Variants in THAP4 observed in about 807,000 individuals in gnomAD.
The protein encoded by THAP4 is THAP domain containing 4, also known as peroxynitrite isomerase THAP4.
A neutral mutation model predicts 48.1 loss-of-function variants in THAP4; 18 were observed. That is an observed-to-expected ratio of 0.37 (90% confidence interval 0.26 to 0.56). THAP4 has a LOEUF of 0.56. THAP4 is among the 20% of genes least tolerant of loss of function. THAP4 has a pLI of 0.78. For synonymous variants in THAP4, 345 were observed against 324.9 expected (o/e 1.06, Z -0.66); for missense variants, 656 against 774.9 (o/e 0.85, Z 1.82).
chr2:241,637,247 G>C (rs1275451854), upstream of THAP4: 1 of 1,045,450 alleles, frequency 9.6e-7, no homozygotes, highest in Non-Finnish European at 1.2e-6. Context: ...CTTCGGACCA[G>C]CGGGGCGCCG....
chr2:241,590,442 G>A (rs2066948555), intron 5 of THAP4, among the ~76,000 whole-genome samples: 1 of 150,382 alleles, frequency 6.6e-6, no homozygotes, highest in African/African-American at 2.4e-5. Context: ...AGGACACGCA[G>A]AGCTGCTCGG....
At chr2:241,586,712 T>C (rs1422986185) in intron 5 of THAP4, among the ~76,000 whole-genome samples, 2 of 152,078 alleles carry the variant, frequency 1.3e-5, no homozygotes, top group Non-Finnish European at 2.9e-5. Flanking sequence ...ATAACTCAAA[T>C]TAAGGCCCCA....
rs1468700609 is a variant in THAP4, at chr2:241,637,114, T to C, written c.-97A>G. 9.9e-7 allele frequency: 1 copy of C among 1,008,474 alleles called. No individual in the cohort carries two copies. Among genetic ancestry groups the C allele is most frequent in the Non-Finnish European group, 1.2e-6 (1 of 848,662 alleles). 62.5% of individuals were successfully genotyped at this position (1,008,474 alleles called of 1,614,324 possible). A position where few individuals can be genotyped will look rare whatever the true frequency, so the allele number is the denominator to read the frequency against. ...GGAGGGAGCGCGGCGGCGACACGGC[T>C]CGGGACGTGGGCCGGCCCGCGGCGT... is the stretch of plus-strand genomic sequence containing the variant. On this transcript the variant is annotated 5_prime_UTR_variant, in exon 1 of 6. Transcript: ENST00000407315.
rs568194294 is a variant in THAP4 at position 241,585,358 on chromosome 2, T to A, written c.1615-633A>T. Among the ~76,000 whole-genome samples the A allele has an allele frequency of 2.1e-4, 31 of 146,528 alleles. 1 individual carries two copies. The South Asian group carries it at 6.8e-3, about 32-fold the overall frequency. On this transcript the variant is annotated intron_variant, in intron 5 of 5. Coordinates refer to ENST00000407315, the MANE Select transcript of THAP4 (RefSeq NM_015963.6). ...CCACTGTCAAAAGACAATTCTCTGA[T>A]GGGCACTATCTCTCTAGTGCCCCAG...
At position 241,621,157 on chromosome 2, in the gene THAP4, G is replaced by A. The variant is rs928170616; in HGVS notation, c.1240+11760C>T. On this transcript the variant is annotated intron_variant, in intron 2 of 5. Coordinates refer to ENST00000407315, the MANE Select transcript of THAP4 (RefSeq NM_015963.6). ...GAGGTCAGGAGTTCGAGACCAGCCT[G>A]GCCAACATGGTGAAACCCCATCTCT... Among the ~76,000 whole-genome samples the A allele has an allele frequency of 5.3e-5, 8 of 152,088 alleles. No individual in the cohort carries two copies. In the East Asian group the frequency reaches 1.3e-3, roughly 26 times the overall value.
rs1405585818 is a variant in THAP4 at position 241,612,676 on chromosome 2, A to C, written c.1241-6203T>G. ...AGCAATCAGGCTCAAAAGAGCACAT[A>C]TTCTGCAATTCCATTTCTGTGAAAG... On this transcript the variant is annotated intron_variant, in intron 2 of 5. Transcript: ENST00000407315. This position sits in a 1 kb window ranked among gnomAD's most constrained non-coding sequence, Gnocchi z 4.1. Among the ~76,000 whole-genome samples, 1 of 152,260 alleles carries C rather than the reference A, an allele frequency of 6.6e-6. No individual in the cohort carries two copies. The highest frequency in any genetic ancestry group is 2.4e-5 in the African/African-American group (1 of 41,470).
At chr2:241,600,357 G>A (rs374481271) in intron 5 of THAP4, among the ~76,000 whole-genome samples, 1 of 152,072 alleles carries the variant, frequency 6.6e-6, no homozygotes, top group African/African-American at 2.4e-5. Context: ...TATACGCTGC[G>A]TCACTCAAAA....
chr2:241,637,281 G>A, upstream of THAP4: 2 of 1,110,904 alleles, frequency 1.8e-6, no homozygotes, highest in Non-Finnish European at 1.1e-6. Context: ...GCGTCCGTCG[G>A]CAGGCGGGCA....
chr2:241,637,497 C>A, upstream of THAP4: 3 of 1,443,730 alleles, frequency 2.1e-6, no homozygotes, highest in South Asian at 2.8e-5. Context: ...CGTCGTCCCA[C>A]GACACGACCC....
Position 241,584,539 on chromosome 2 carries a change from CTGT to C in THAP4, c.*64_*66del. The stretch of plus-strand genomic sequence containing the variant: ...CACCCACTTCTGCCGCAGGGACTGT[CTGT>C]TGAGGAGCCGAACCGTTGAGGCACA... On this transcript the variant is annotated 3_prime_UTR_variant, in exon 6 of 6. Transcript: ENST00000407315. 1 of 1,587,916 alleles carries C rather than the reference CTGT, an allele frequency of 6.3e-7. No homozygotes were observed. Among genetic ancestry groups the C allele is most frequent in the Non-Finnish European group, 8.6e-7 (1 of 1,158,278 alleles).
chr2:241,622,949 G>A (rs1203128274), intron 2 of THAP4, among the ~76,000 whole-genome samples: 1 of 152,166 alleles, frequency 6.6e-6, no homozygotes, highest in African/African-American at 2.4e-5. Flanking sequence ...CAGGCACGGT[G>A]GCTCACGGCT....
Position 241,637,003 on chromosome 2 carries a change from ACAG to A in THAP4, c.12_14del (p.Cys5del). On this transcript the variant is annotated inframe_deletion, in exon 1 of 6. Coordinates refer to ENST00000407315, the MANE Select transcript of THAP4 (RefSeq NM_015963.6). ...GCCGGTTGGAGCAGTTCACGGCCGCACAGCAGATCACCATCGCGGGCCTTGGCC... is the reference window on the plus strand; with the variant it reads ...GCCGGTTGGAGCAGTTCACGGCCGCACAGATCACCATCGCGGGCCTTGGCC... The A allele has an allele frequency of 7.7e-7, 1 of 1,297,990 alleles. No homozygotes were observed. Among genetic ancestry groups the A allele is most frequent in the Non-Finnish European group, 1.0e-6 (1 of 998,664 alleles). The allele number at this position is 1,297,990 out of a possible 1,614,324, so 80.4% of individuals were successfully genotyped here. A position where few individuals can be genotyped will look rare whatever the true frequency, so the allele number is the denominator to read the frequency against.
chr2:241,607,529 A>G (rs891534683), intron 2 of THAP4, among the ~76,000 whole-genome samples: 2 of 151,516 alleles, frequency 1.3e-5, no homozygotes, highest in African/African-American at 4.9e-5. Flanking sequence ...CTCAAGTCTC[A>G]GTGCTTCAAT....
chr2:241,604,396 C>T (rs1157726055), intron 3 of THAP4, among the ~76,000 whole-genome samples: 1 of 152,056 alleles, frequency 6.6e-6, no homozygotes, highest in Non-Finnish European at 1.5e-5. Context: ...GGATTACAGG[C>T]ATGCGCCACC....
intron 2 of THAP4, 80 bp from the exon 3 acceptor site, chr2:241,606,553 T>A: frequency 7.5e-7 from 1 of 1,341,152 alleles, no homozygotes; most frequent in Non-Finnish European, 9.9e-7. Flanking sequence ...GCACGTTCCA[T>A]ATCGACGCTT....
intron 5 of THAP4, among the ~76,000 whole-genome samples, chr2:241,585,525 T>C (rs1416983623): frequency 6.6e-6 from 1 of 152,038 alleles, no homozygotes; most frequent in Admixed American, 6.6e-5. Flanking sequence ...TTTAAAGGTG[T>C]CAGAGAACCA....
rs758331582 is a variant in THAP4 at position 241,633,804 on chromosome 2, G to A, written c.353C>T (p.Ala118Val). The change falls in exon 2 of 6, where the codon GCC (alanine) becomes GTC (valine). Residue 118 changes from alanine (A) to valine (V), a missense_variant. Physicochemically the swap from Ala to Val is moderately conservative, Grantham distance 64. Around this residue, in one of 4 missense-constraint regions of THAP4, gnomAD observed 391 missense variants for 412.4 expected, o/e 0.95. Transcript: ENST00000407315. The surrounding 1 kb of genome is among the most constrained non-coding windows in gnomAD (Gnocchi z 7.5). ...ATGGVRGHSS[A>V]ATSRGAAGWS... ...ACCTGCAGCTCCTCTGCTGGTGGCG[G>A]CACTCGAGTGTCCCCTCACACCCCC... The A allele has an allele frequency of 2.2e-5, 36 of 1,613,548 alleles. No individual in the cohort carries two copies. The highest frequency in any genetic ancestry group is 3.1e-5 in the Non-Finnish European group (36 of 1,179,704).
intron 2 of THAP4, among the ~76,000 whole-genome samples, chr2:241,630,183 G>A (rs1447987989): frequency 6.6e-6 from 1 of 150,922 alleles, no homozygotes; most frequent in Non-Finnish European, 1.5e-5. Flanking sequence ...TAACCACAGG[G>A]TTAAAGGGGG....
At chr2:241,636,246 G>A (rs927313188) in intron 1 of THAP4, among the ~76,000 whole-genome samples, 54 of 152,224 alleles carry the variant, frequency 3.5e-4, no homozygotes, top group Admixed American at 8.5e-4. Flanking sequence ...ATAACACCAT[G>A]CAACATAAAA....
Sources: gnomAD v4.1 joint callset for allele counts (sites outside exome capture counted in the v4.1 genomes callset) on GRCh38, gnomAD v4.1.1 for gene constraint, gnomAD v4.1.1 regional missense constraint, Gnocchi (gnomAD v3.1) non-coding constraint, MANE v1.5 for transcripts, NCBI Gene and HGNC (gene_info 2026-07-23, HGNC 2026-07-21) for gene names.